Variants in RFC4 observed in about 807,000 individuals in gnomAD.
The protein encoded by RFC4 is A1 37 kDa subunit.
Under a neutral mutation model 47.6 loss-of-function variants are expected in RFC4, and 38 were observed. That is an observed-to-expected ratio of 0.80 (90% CI 0.62 to 1.05). RFC4 has a LOEUF of 1.05. Ranked by LOEUF, RFC4 falls within the 50% of genes least tolerant of loss-of-function variation. RFC4 has a pLI of 0.00. For missense variants in RFC4, 489 were observed against 434.0 expected (o/e 1.13, Z -1.13); for synonymous variants, 164 against 150.0 (o/e 1.09, Z -0.68).
chr3:186,800,035 C>A (rs2108471939), intron 3 of RFC4, among the ~76,000 whole-genome samples: 1 of 152,118 alleles, frequency 6.6e-6, no homozygotes, highest in South Asian at 2.1e-4. Context: ...CTCACTGCAA[C>A]CCCTCCGCCT....
At chr3:186,799,801 C>T (rs1199550833) in intron 3 of RFC4, among the ~76,000 whole-genome samples, 1 of 151,962 alleles carries the variant, frequency 6.6e-6, no homozygotes, top group African/African-American at 2.4e-5. Flanking sequence ...TAGATATTGT[C>T]CTGCAATCTG....
intron 7 of RFC4, 27 bp downstream of exon 7, chr3:186,792,463 C>CT: frequency 1.3e-6 from 2 of 1,594,112 alleles, no homozygotes; most frequent in African/African-American, 2.7e-5. Context: ...ATTAGTAACT[C>CT]TAATAATTGT....
intron 8 of RFC4, 168 bp downstream of exon 8, chr3:186,791,557 A>G (rs1043695264): frequency 3.9e-5 from 26 of 669,840 alleles, no homozygotes; most frequent in Non-Finnish European, 6.5e-5. Flanking sequence ...CTGAAAAGTC[A>G]GTGCTATCTC....
chr3:186,802,409 C>G (rs949016625), intron 2 of RFC4, among the ~76,000 whole-genome samples: 2 of 151,996 alleles, frequency 1.3e-5, no homozygotes, highest in Admixed American at 6.6e-5. Flanking sequence ...ATTTAGTAAC[C>G]TTAGTATAGG....
chr3:186,804,970 T>C, intron 1 of RFC4: 1 of 346,442 alleles, frequency 2.9e-6, no homozygotes, highest in Non-Finnish European at 5.2e-6. Flanking sequence ...GAACTTAGAA[T>C]CTATTTCTAG....
At chr3:186,801,433 T>A (rs971675861) in intron 2 of RFC4, 1 of 502,306 alleles carries the variant, frequency 2.0e-6, no homozygotes, top group Non-Finnish European at 3.5e-6. Context: ...GAATCTGTTA[T>A]ACCCACAAAA....
At chr3:186,801,967 G>A (rs1364790054) in intron 2 of RFC4, among the ~76,000 whole-genome samples, 1 of 147,438 alleles carries the variant, frequency 6.8e-6, no homozygotes, top group East Asian at 2.0e-4. Flanking sequence ...AGGTTGTGGT[G>A]AGCCGAGATC....
intron 3 of RFC4, among the ~76,000 whole-genome samples, chr3:186,799,820 C>T (rs60345818): frequency 6.6e-6 from 1 of 152,018 alleles, no homozygotes; most frequent in Non-Finnish European, 1.5e-5. Flanking sequence ...TGTGTAATTA[C>T]TATGCAACTG....
At chr3:186,790,544 C>T (rs144822450) in intron 8 of RFC4, 138 bp from the exon 9 acceptor site, 220 of 683,172 alleles carry the variant, frequency 3.2e-4, no homozygotes, top group Non-Finnish European at 4.6e-4. Flanking sequence ...TTTGGGAGAA[C>T]GGAAAGGGCC....
rs767716315 is a variant in RFC4 at position 186,792,941 on chromosome 3, C to A, written c.417G>T (p.Lys139Asn). 8 of 1,611,898 alleles carry A rather than the reference C, an allele frequency of 5.0e-6. No homozygotes were observed. Among genetic ancestry groups the A allele is most frequent in the Non-Finnish European group, 5.9e-6 (7 of 1,179,342 alleles). ...TCACAATCTTAAAAGGCGGACACGG[C>A]TTCCCACTGATTCAGAGAAACACAT... ...LTVSGSRSDG[K>N]PCPPFKIVIL... The change falls in exon 6 of 11, where the codon AAG (lysine) becomes AAT (asparagine). Residue 139 changes from lysine (K) to asparagine (N), a missense_variant. Physicochemically the swap from Lys to Asn is moderately conservative, Grantham distance 94 (BLOSUM62 0). Transcript: ENST00000296273.
intron 1 of RFC4, among the ~76,000 whole-genome samples, chr3:186,805,236 T>G (rs1289475860): frequency 1.3e-5 from 2 of 152,142 alleles, no homozygotes; most frequent in East Asian, 3.9e-4. Flanking sequence ...TGTTGTTGTT[T>G]TTGAGACAGG....
intron 8 of RFC4, 64 bp from the exon 9 acceptor site, chr3:186,790,470 A>G (rs776104490): frequency 1.7e-5 from 20 of 1,167,622 alleles, no homozygotes; most frequent in Non-Finnish European, 2.1e-5. Flanking sequence ...CACTCTGCCA[A>G]CTGGCCCCCG....
At chr3:186,805,898 T>G (rs1722469391) in intron 1 of RFC4, among the ~76,000 whole-genome samples, 1 of 152,232 alleles carries the variant, frequency 6.6e-6, no homozygotes, top group Admixed American at 6.5e-5. Context: ...AATTACCATC[T>G]ATGATACCCG....
At chr3:186,797,922 T>C (rs923276828) in intron 3 of RFC4, among the ~76,000 whole-genome samples, 2 of 152,312 alleles carry the variant, frequency 1.3e-5, no homozygotes, top group Middle Eastern at 3.4e-3. Context: ...AAACCTTTTA[T>C]TTCTAAAGGG....
Position 186,801,152 on chromosome 3 carries a change from C to G in RFC4, c.175G>C (p.Val59Leu). 6 of 1,614,124 alleles carry G rather than the reference C, an allele frequency of 3.7e-6. No individual in the cohort carries two copies. The highest frequency in any genetic ancestry group is 4.2e-6 in the Non-Finnish European group (5 of 1,179,988). Residue 59 changes from valine to leucine, a missense_variant, in exon 3 of 11, where the codon GTT becomes CTT. This residue lies in a region of RFC4 where 206 missense variants were observed against 257.8 expected (regional missense o/e 0.80). Coordinates refer to ENST00000296273, the MANE Select transcript of RFC4 (RefSeq NM_002916.5). ...VDEVAFQEEV[V>L]AVLKKSLEGA... ...TCTAAAGATTTTTTCAGCACTGCAA[C>G]CACTTCTTCCTGGAAAGCAACTTCA...
chr3:186,805,670 A>G (rs1410708391), intron 1 of RFC4: 1 of 152,246 alleles, frequency 6.6e-6, no homozygotes, highest in African/African-American at 2.4e-5. Context: ...AATGCATAAA[A>G]GCATGAGAGA....
chr3:186,804,750 A>T (rs1297812241), intron 1 of RFC4, 26 bp from the exon 2 acceptor site: 2 of 1,581,270 alleles, frequency 1.3e-6, no homozygotes, highest in Non-Finnish European at 1.7e-6. Flanking sequence ...ACAGAAAAAA[A>T]AAGCTTTTAT....
intron 2 of RFC4, 130 bp downstream of exon 2, chr3:186,804,453 A>T (rs1722430778): frequency 4.4e-6 from 4 of 904,526 alleles, no homozygotes; most frequent in East Asian, 2.6e-5. Flanking sequence ...TAAGTGGGTG[A>T]TTTTTTTTCA....
intron 3 of RFC4, among the ~76,000 whole-genome samples, chr3:186,798,568 A>G (rs1409562687): frequency 6.6e-6 from 1 of 152,092 alleles, no homozygotes; most frequent in East Asian, 1.9e-4. Flanking sequence ...TCAGCTTTTT[A>G]CCATGGCCTA....
Sources: allele counts gnomAD v4.1 joint callset (sites outside exome capture counted in the v4.1 genomes callset), GRCh38; gene constraint gnomAD v4.1.1; regional missense constraint gnomAD v4.1.1; transcripts MANE v1.5; gene names NCBI Gene and HGNC (gene_info 2026-07-23, HGNC 2026-07-21).